Variants in ARID4B observed in about 807,000 individuals in gnomAD.
ARID4B encodes the protein AT-rich interaction domain 4B, also known as AT-rich interactive domain-containing protein 4B.
ARID4B carries 26 observed loss-of-function variants against 147.5 expected under a neutral mutation model. That is an observed-to-expected ratio of 0.18 (90% CI 0.13 to 0.24). The LOEUF (loss-of-function observed/expected upper bound fraction) is 0.24. ARID4B is among the 10% of genes least tolerant of loss of function. The pLI is 1.00. For synonymous variants in ARID4B, 512 were observed against 507.9 expected, an observed-to-expected ratio of 1.01 and a Z score of -0.11; for missense variants, 1,179 against 1,511.5, an observed-to-expected ratio of 0.78 and a Z score of 3.65.
At chr1:235,215,842 G>A (rs1483624386) in intron 16 of ARID4B, among the ~76,000 whole-genome samples, 1 of 151,320 alleles carries the variant, frequency 6.6e-6, no homozygotes, top group Non-Finnish European at 1.5e-5. Flanking sequence ...TCATACTTTG[G>A]CCTTCCAAAG....
At chr1:235,177,021 G>A (rs898061427) in intron 21 of ARID4B, 16 of 452,508 alleles carry the variant, frequency 3.5e-5, no homozygotes, top group Non-Finnish European at 7.4e-5. Flanking sequence ...GATGCACGGA[G>A]TCGTTGCTAA....
At chr1:235,249,810 C>T (rs887806995) in intron 6 of ARID4B, among the ~76,000 whole-genome samples, 1 of 151,752 alleles carries the variant, frequency 6.6e-6, no homozygotes, top group Admixed American at 6.6e-5. Context: ...CGTGGTGGCA[C>T]ACGACTGTAG....
chr1:235,170,930 A>G (rs56044336), intron 23 of ARID4B, among the ~76,000 whole-genome samples: 7,625 of 150,160 alleles, frequency 0.051, 255 homozygotes, highest in Non-Finnish European at 0.081. Flanking sequence ...AAAAAAAAAA[A>G]AAAACCACAC....
At chr1:235,189,518 T>C (rs1010803396) in intron 19 of ARID4B, among the ~76,000 whole-genome samples, 2 of 145,256 alleles carry the variant, frequency 1.4e-5, no homozygotes, top group African/African-American at 5.1e-5. Flanking sequence ...ACAAAAAAAT[T>C]AATAAAAAGC....
At chr1:235,195,592 CA>C (rs58536627) in intron 18 of ARID4B, among the ~76,000 whole-genome samples, 6,200 of 96,258 alleles carry the variant, frequency 0.064, 398 homozygotes, top group African/African-American at 0.19. Flanking sequence ...ACTCTGTCTC[CA>C]AAAAAAAAAA....
chr1:235,265,852 C>T (rs538279126), intron 2 of ARID4B, among the ~76,000 whole-genome samples: 5 of 152,086 alleles, frequency 3.3e-5, no homozygotes, highest in Admixed American at 6.5e-5. Context: ...AGGAGTAAGA[C>T]GGTGCACACA....
intron 16 of ARID4B, among the ~76,000 whole-genome samples, chr1:235,216,643 T>A (rs1667105895): frequency 6.6e-6 from 1 of 152,088 alleles, no homozygotes; most frequent in African/African-American, 2.4e-5. Flanking sequence ...GCACCCAGCC[T>A]GAGATTAAAA....
intron 8 of ARID4B, among the ~76,000 whole-genome samples, chr1:235,238,268 T>A (rs1395069305): frequency 6.6e-6 from 1 of 152,170 alleles, no homozygotes; most frequent in Non-Finnish European, 1.5e-5. Context: ...ACTTGGTATA[T>A]GATAAATGCA....
At chr1:235,264,899 A>C (rs769263383) in intron 2 of ARID4B, among the ~76,000 whole-genome samples, 10 of 151,790 alleles carry the variant, frequency 6.6e-5, no homozygotes, top group Non-Finnish European at 1.5e-4. Context: ...TCTCTACTTA[A>C]AATATAAAAA....
At chr1:235,281,328 C>T (rs149254049) in intron 2 of ARID4B, among the ~76,000 whole-genome samples, 19,979 of 151,958 alleles carry the variant, frequency 0.13, 1,525 homozygotes, top group African/African-American at 0.2. Context: ...AGGCGGGTGG[C>T]TCACCTGAGG....
chr1:235,321,079 C>G lies in ARID4B; in HGVS notation c.6+5835G>C, dbSNP rs539601716. Among the ~76,000 whole-genome samples, 14 of 152,298 alleles carry G rather than the reference C, an allele frequency of 9.2e-5. No homozygotes were observed. The South Asian group carries it at 2.9e-3, about 32-fold the overall frequency. On this transcript the variant is annotated intron_variant, in intron 2 of 23. Transcript: ENST00000264183. ...ACTGCTGCATCCTCAAAACCCAGAACAATGTCCGGTACAAGGAAAGTACAC... is the reference window on the plus strand; with the variant it reads ...ACTGCTGCATCCTCAAAACCCAGAAGAATGTCCGGTACAAGGAAAGTACAC...
intron 2 of ARID4B, among the ~76,000 whole-genome samples, chr1:235,325,361 T>A (rs1675151315): frequency 6.6e-6 from 1 of 150,990 alleles, no homozygotes; most frequent in African/African-American, 2.4e-5. Flanking sequence ...TTAAACAGAC[T>A]ACTTAAAAAA....
Position 235,229,307 on chromosome 1 carries a change from G to T in ARID4B, c.821C>A (p.Ser274Tyr), listed in dbSNP as rs1326326121. Residue 274 changes from serine to tyrosine, a missense_variant, in exon 11 of 24, where the codon TCT becomes TAT. Ser to Tyr is a moderately radical substitution (Grantham distance 144, BLOSUM62 -2). Transcript: ENST00000264183. ...NWKTELKEDS[S>Y]SSEAEEEEEE... ...CTCTTCTTCCTCTGCTTCACTGCTA[G>T]AGCTATCTTCTTTCAATTCAGTCTT... is the stretch of plus-strand genomic sequence containing the variant. 6.2e-7 allele frequency: 1 copy of T among 1,613,332 alleles called. No individual in the cohort carries two copies. Among genetic ancestry groups the T allele is most frequent in the African/African-American group, 1.3e-5 (1 of 74,818 alleles).
At chr1:235,248,823 TG>T (rs982805844) in intron 6 of ARID4B, among the ~76,000 whole-genome samples, 1 of 152,086 alleles carries the variant, frequency 6.6e-6, no homozygotes, top group African/African-American at 2.4e-5. Flanking sequence ...TAAAAAGACC[TG>T]GGGGTAGGGT....
chr1:235,187,373 C>T (rs1171800864), intron 19 of ARID4B, among the ~76,000 whole-genome samples: 9 of 152,128 alleles, frequency 5.9e-5, no homozygotes, highest in South Asian at 2.1e-4. Context: ...TGTGAGCCAC[C>T]GTGCCCAGCT....
At chr1:235,247,925 T>A (rs1669403377) in intron 6 of ARID4B, among the ~76,000 whole-genome samples, 2 of 151,956 alleles carry the variant, frequency 1.3e-5, no homozygotes, top group African/African-American at 4.8e-5. Context: ...CAGGCAGAGG[T>A]TGCGGTGAGC....
intron 19 of ARID4B, chr1:235,189,915 A>G (rs929004219): frequency 6.5e-6 from 1 of 154,300 alleles, no homozygotes; most frequent in African/African-American, 2.4e-5. Flanking sequence ...AGGAGAGAAC[A>G]GTAAAATGCA....
rs1663695420 is a variant in ARID4B at position 235,174,350 on chromosome 1, A to G, written c.3664+834T>C. ...CACTGCGCCCAGCCATATCAGAAAT[A>G]TCTAGTCAGTGTTGGCATTTGCCTC... On this transcript the variant is annotated intron_variant, in intron 22 of 23. Transcript: ENST00000264183. Among the ~76,000 whole-genome samples, 10 of 151,976 alleles carry G rather than the reference A, an allele frequency of 6.6e-5. 1 individual carries two copies. In the South Asian group the frequency reaches 1.9e-3, roughly 28 times the overall value.
chr1:235,299,013 G>A (rs1672943324), intron 2 of ARID4B, among the ~76,000 whole-genome samples: 1 of 152,080 alleles, frequency 6.6e-6, no homozygotes, highest in African/African-American at 2.4e-5. Context: ...AAGCTACTCG[G>A]GAGGCAGAGG....
Sources: allele counts gnomAD v4.1 joint callset (sites outside exome capture counted in the v4.1 genomes callset), GRCh38; gene constraint gnomAD v4.1.1; transcripts MANE v1.5; gene names NCBI Gene and HGNC (gene_info 2026-07-23, HGNC 2026-07-21).